GPC6: variants seen among roughly 807,000 people sequenced by gnomAD.
The protein encoded by GPC6 is glypican 6.
In GPC6, 14 loss-of-function variants were observed where a neutral mutation model predicts 55.2. That is an observed-to-expected ratio of 0.25 (90% CI 0.17 to 0.40). The LOEUF is 0.40. Ranked by LOEUF, GPC6 falls within the 10% of genes least tolerant of loss-of-function variation. GPC6 has a pLI of 1.00. For synonymous variants in GPC6, 278 were observed against 259.6 expected, an observed-to-expected ratio of 1.07 and a Z score of -0.68; for missense variants, 641 against 708.5, an observed-to-expected ratio of 0.90 and a Z score of 1.08.
intron 5 of GPC6, among the ~76,000 whole-genome samples, chr13:94,293,575 G>A (rs1875135898): frequency 6.6e-6 from 1 of 152,138 alleles, no homozygotes; most frequent in Admixed American, 6.5e-5. Flanking sequence ...TATGAAAATG[G>A]ACTAATACAG....
At chr13:93,436,591 A>G (rs1405438051) in intron 1 of GPC6, among the ~76,000 whole-genome samples, 1 of 152,118 alleles carries the variant, frequency 6.6e-6, no homozygotes, top group Non-Finnish European at 1.5e-5. Context: ...CTGCTTGCCC[A>G]TTTAAAAACA....
intron 1 of GPC6, among the ~76,000 whole-genome samples, chr13:93,355,030 TA>T (rs1346887964): frequency 6.6e-6 from 1 of 152,216 alleles, no homozygotes; most frequent in African/African-American, 2.4e-5. Context: ...GCAGAAGCTA[TA>T]AGGAGTCATT....
rs539071242 is a variant in GPC6 at position 94,223,409 on chromosome 13, T to C, written c.878-62940T>C. 3.3e-5 allele frequency among the ~76,000 whole-genome samples: 5 copies of C among 152,288 alleles called. No homozygotes were observed. The East Asian group carries it at 9.6e-4, about 29-fold the overall frequency. On this transcript the variant is annotated intron_variant, in intron 4 of 8. Coordinates refer to ENST00000377047, the MANE Select transcript of GPC6 (RefSeq NM_005708.5). ...TTAATCTACACACTAGACACATTGC[T>C]GTGAGTTCGATATCATTGTGCTCAT...
chr13:93,219,088 C>G, the GPC6 span, among the ~76,000 whole-genome samples: 2 of 138,648 alleles, frequency 1.4e-5, no homozygotes, highest in Non-Finnish European at 3.2e-5. Flanking sequence ...TCTTTCTTTC[C>G]TATTTTTTTT....
At chr13:93,248,325 T>G (rs1346114725) in intron 1 of GPC6, among the ~76,000 whole-genome samples, 1 of 151,704 alleles carries the variant, frequency 6.6e-6, no homozygotes, top group African/African-American at 2.4e-5. Context: ...AAAAGCACAG[T>G]CTTGACAAAA....
intron 1 of GPC6, among the ~76,000 whole-genome samples, chr13:93,463,326 C>T (rs906195691): frequency 1.3e-5 from 2 of 152,136 alleles, no homozygotes; most frequent in Non-Finnish European, 2.9e-5. Context: ...GTTTCATGGA[C>T]GTTTGCGAAA....
At chr13:94,274,710 C>T (rs990502213) in intron 4 of GPC6, among the ~76,000 whole-genome samples, 17 of 151,422 alleles carry the variant, frequency 1.1e-4, no homozygotes, top group African/African-American at 3.4e-4. Context: ...TGAAAAGCAG[C>T]AGGAACTACC....
intron 7 of GPC6, among the ~76,000 whole-genome samples, chr13:94,395,853 A>G (rs1446762384): frequency 1.3e-5 from 2 of 152,344 alleles, no homozygotes; most frequent in African/African-American, 4.8e-5. Context: ...ATTCCCTGTC[A>G]GACCCAATCT....
chr13:93,802,529 C>T (rs1345478571), intron 2 of GPC6, among the ~76,000 whole-genome samples: 3 of 152,002 alleles, frequency 2.0e-5, no homozygotes, highest in Non-Finnish European at 4.4e-5. Context: ...TCCCAAGTAG[C>T]TAGGATTAAA....
At chr13:93,950,936 A>G (rs1879226104) in intron 3 of GPC6, among the ~76,000 whole-genome samples, 1 of 152,174 alleles carries the variant, frequency 6.6e-6, no homozygotes, top group African/African-American at 2.4e-5. Flanking sequence ...CAGACACTGC[A>G]CTAGACATTT....
intron 1 of GPC6, among the ~76,000 whole-genome samples, chr13:93,453,999 T>C (rs1339967694): frequency 6.6e-6 from 1 of 152,132 alleles, no homozygotes; most frequent in African/African-American, 2.4e-5. Flanking sequence ...AGGGCGCTGA[T>C]TGGTGCATTT....
At chr13:93,597,902 T>G (rs1184432829) in intron 2 of GPC6, among the ~76,000 whole-genome samples, 1 of 152,018 alleles carries the variant, frequency 6.6e-6, no homozygotes, top group Non-Finnish European at 1.5e-5. Flanking sequence ...TCCAAGCACT[T>G]TGGGAGGCCG....
chr13:93,940,880 A>G (rs886662043), intron 3 of GPC6, among the ~76,000 whole-genome samples: 16 of 152,162 alleles, frequency 1.1e-4, no homozygotes, highest in African/African-American at 4.8e-5. Flanking sequence ...AGGGGTGGAG[A>G]ATAGGAAAAG....
intron 1 of GPC6, among the ~76,000 whole-genome samples, chr13:93,424,642 T>G (rs1045979157): frequency 2.6e-5 from 4 of 152,174 alleles, no homozygotes; most frequent in Non-Finnish European, 5.9e-5. Context: ...ATCATCATCA[T>G]TTTTAAGTTT....
intron 2 of GPC6, among the ~76,000 whole-genome samples, chr13:93,711,590 T>C (rs1883067903): frequency 6.6e-6 from 1 of 151,524 alleles, no homozygotes; most frequent in African/African-American, 2.4e-5. Context: ...TTTAAATTTT[T>C]TTTTTTGGTC....
intron 3 of GPC6, among the ~76,000 whole-genome samples, chr13:93,952,850 A>G (rs1879319266): frequency 7.2e-6 from 1 of 139,528 alleles, no homozygotes; most frequent in Non-Finnish European, 1.6e-5. Flanking sequence ...ACACATATAT[A>G]TACGTATATA....
intron 3 of GPC6, among the ~76,000 whole-genome samples, chr13:93,907,197 G>A (rs1418158043): frequency 6.6e-6 from 1 of 152,082 alleles, no homozygotes; most frequent in African/African-American, 2.4e-5. Flanking sequence ...AAAGAAATGT[G>A]TCTGCAGACC....
intron 3 of GPC6, among the ~76,000 whole-genome samples, chr13:93,936,832 G>T (rs1878459443): frequency 6.6e-6 from 1 of 152,170 alleles, no homozygotes. Flanking sequence ...ATGTAGTTAT[G>T]CTGACGAGAC....
At position 94,149,174 on chromosome 13, in the gene GPC6, C is replaced by T. The variant is rs570025950; in HGVS notation, c.877+121280C>T. On this transcript the variant is annotated intron_variant, in intron 4 of 8. Coordinates refer to ENST00000377047, the MANE Select transcript of GPC6 (RefSeq NM_005708.5). ...AGTCATCTTTGTGTGCCTCCCTTCC[C>T]AAATCCATGGACAGTGTAAGTACTG... Among the ~76,000 whole-genome samples, 12 of 152,164 alleles carry T rather than the reference C, an allele frequency of 7.9e-5. No homozygotes were observed. The South Asian group carries it at 2.5e-3, about 32-fold the overall frequency.
Sources: allele counts gnomAD v4.1 joint callset (sites outside exome capture counted in the v4.1 genomes callset), GRCh38; gene constraint gnomAD v4.1.1; transcripts MANE v1.5; gene names NCBI Gene and HGNC (gene_info 2026-07-23, HGNC 2026-07-21).